The following TANC2 variants were observed in gnomAD, a reference collection of about 807,000 sequenced individuals.
The protein encoded by TANC2 is tetratricopeptide repeat, ankyrin repeat and coiled-coil containing 2.
TANC2 carries 26 observed loss-of-function variants against 210.5 expected under a neutral mutation model. That is an observed-to-expected ratio of 0.12 (90% CI 0.09 to 0.17). TANC2 has a LOEUF of 0.17. TANC2 is among the 10% of genes least tolerant of loss of function. TANC2 has a pLI of 1.00. For synonymous variants in TANC2, 931 were observed against 967.1 expected (o/e 0.96, Z 0.69); for missense variants, 2,129 against 2,608.9 (o/e 0.82, Z 4.01).
chr17:63,079,921 A>G (rs2036710407), intron 3 of TANC2, among the ~76,000 whole-genome samples: 1 of 152,170 alleles, frequency 6.6e-6, no homozygotes, highest in East Asian at 1.9e-4. Context: ...TATTATATGT[A>G]GGAGATGGGA....
At chr17:63,396,217 A>G (rs2048152395) in intron 18 of TANC2, 1 of 341,890 alleles carries the variant, frequency 2.9e-6, no homozygotes, top group Non-Finnish European at 5.4e-6. Flanking sequence ...AGGCTCAAAG[A>G]GATGAATTAT....
chr17:63,124,742 G>A (rs1212754815), intron 4 of TANC2, among the ~76,000 whole-genome samples: 3 of 152,182 alleles, frequency 2.0e-5, no homozygotes, highest in Admixed American at 2.0e-4. Flanking sequence ...GCCTGCAGGC[G>A]AGCAAGCATT....
chr17:63,353,744 C>T (rs145484443), intron 13 of TANC2, among the ~76,000 whole-genome samples: 363 of 152,086 alleles, frequency 2.4e-3, no homozygotes, highest in Middle Eastern at 6.8e-3. Flanking sequence ...AAGAGGGGAA[C>T]GTTCTCTGGG....
rs1598381656 is a variant in TANC2 at position 63,089,469 on chromosome 17, T to C, written c.140-9706T>C. 2.6e-5 allele frequency among the ~76,000 whole-genome samples: 4 copies of C among 151,908 alleles called. No homozygotes were observed. The South Asian group carries it at 8.3e-4, about 32-fold the overall frequency. On this transcript the variant is annotated intron_variant, in intron 3 of 27. Coordinates refer to ENST00000689528, the Ensembl canonical transcript of TANC2. ...GTGGGAAGGGATGAAGTCAGAGAAG[T>C]TGGAAGGGGAGGAGGTAAGACAATT...
chr17:63,176,392 C>CCAT (rs2040581275), intron 5 of TANC2, among the ~76,000 whole-genome samples: 1 of 152,092 alleles, frequency 6.6e-6, no homozygotes, highest in South Asian at 2.1e-4. Context: ...AACAACATGA[C>CCAT]GATCTGTAAA....
chr17:63,305,799 GAGA>G (rs1411585479), intron 9 of TANC2, among the ~76,000 whole-genome samples: 10 of 152,212 alleles, frequency 6.6e-5, no homozygotes, highest in African/African-American at 2.4e-4. Flanking sequence ...ATGGTATGAA[GAGA>G]AGAAGAGGGG....
chr17:63,270,937 A>T (rs1371217008), intron 9 of TANC2, among the ~76,000 whole-genome samples: 1 of 152,070 alleles, frequency 6.6e-6, no homozygotes, highest in African/African-American at 2.4e-5. Context: ...CTGTTCCTGC[A>T]TTAGTTCACC....
At chr17:63,227,055 A>G (rs1013472378) in intron 7 of TANC2, among the ~76,000 whole-genome samples, 3 of 152,152 alleles carry the variant, frequency 2.0e-5, no homozygotes, top group Non-Finnish European at 4.4e-5. Context: ...TAGTGCTGCA[A>G]TGAACATATG....
chr17:63,222,254 CT>C (rs1384711741), intron 7 of TANC2, among the ~76,000 whole-genome samples: 1 of 152,110 alleles, frequency 6.6e-6, no homozygotes, highest in Non-Finnish European at 1.5e-5. Context: ...ATACCATCAC[CT>C]TGGGGGTTAG....
chr17:63,078,927 G>A (rs1211585965), intron 3 of TANC2, among the ~76,000 whole-genome samples: 1 of 152,150 alleles, frequency 6.6e-6, no homozygotes, highest in Non-Finnish European at 1.5e-5. Context: ...TGTTATTTAA[G>A]TCTTCTATCT....
chr17:63,016,864 C>G (rs1051182261), intron 2 of TANC2, among the ~76,000 whole-genome samples: 1 of 152,064 alleles, frequency 6.6e-6, no homozygotes, highest in Non-Finnish European at 1.5e-5. Context: ...AATGCCTGTT[C>G]TAGTCCCTTA....
chr17:63,287,365 G>C (rs1230334032), intron 9 of TANC2, among the ~76,000 whole-genome samples: 1 of 152,072 alleles, frequency 6.6e-6, no homozygotes, highest in Admixed American at 6.5e-5. Context: ...TCTAACATCT[G>C]TCTTATTTGT....
intron 2 of TANC2, among the ~76,000 whole-genome samples, chr17:63,038,564 T>C (rs1173903163): frequency 5.3e-5 from 8 of 152,210 alleles, no homozygotes; most frequent in Non-Finnish European, 1.2e-4. Context: ...TCTGCTCTTC[T>C]GTTTTCTGGA....
rs767382909 is a variant in TANC2 at position 63,355,151 on chromosome 17, C to T, written c.2343C>T (p.Leu781=). 5 of 1,613,736 alleles carry T rather than the reference C, an allele frequency of 3.1e-6. No homozygotes were observed. The African/African-American group carries it at 4.0e-5, about 13-fold the overall frequency. Reference sequence around the variant, plus strand: ...CTTCCTTTGACCGGGTGATGCCTCTCCTGAATGTGGCAGTGGCCTCTCTCC... The same window carrying T: ...CTTCCTTTGACCGGGTGATGCCTCTTCTGAATGTGGCAGTGGCCTCTCTCC... Residue 781 remains leucine, a synonymous_variant, in exon 14 of 28, where the codon CTC becomes CTT. Transcript: ENST00000689528.
At chr17:63,129,780 C>A (rs1370408712) in intron 4 of TANC2, among the ~76,000 whole-genome samples, 1 of 151,640 alleles carries the variant, frequency 6.6e-6, no homozygotes, top group African/African-American at 2.4e-5. Flanking sequence ...TCTTATATAT[C>A]TATACAGTTA....
chr17:62,977,237 T>A (rs73339653), intron 1 of TANC2, among the ~76,000 whole-genome samples: 3,222 of 152,342 alleles, frequency 0.021, 105 homozygotes, highest in African/African-American at 0.072. Flanking sequence ...TAGCACTTTG[T>A]CAATTTCTGC....
At chr17:63,115,585 A>G (rs1029433500) in intron 4 of TANC2, among the ~76,000 whole-genome samples, 2 of 152,224 alleles carry the variant, frequency 1.3e-5, no homozygotes, top group African/African-American at 4.8e-5. Flanking sequence ...GTGATGGGAC[A>G]CAATATCCAG....
At chr17:62,977,856 A>AT (rs2032098489) in intron 1 of TANC2, among the ~76,000 whole-genome samples, 2 of 152,074 alleles carry the variant, frequency 1.3e-5, no homozygotes, top group Non-Finnish European at 2.9e-5. Context: ...GATAAGGAGT[A>AT]TTTTTTCAGT....
chr17:63,219,148 A>T (rs896550112), intron 7 of TANC2, among the ~76,000 whole-genome samples: 1 of 152,228 alleles, frequency 6.6e-6, no homozygotes. Context: ...CAAAGATCAC[A>T]GTACTCCATA....
Sources: allele counts gnomAD v4.1 joint callset (sites outside exome capture counted in the v4.1 genomes callset), GRCh38; gene constraint gnomAD v4.1.1; transcripts MANE v1.5; gene names NCBI Gene and HGNC (gene_info 2026-07-23, HGNC 2026-07-21).